The following SSUH2 variants were observed in gnomAD, a reference collection of about 807,000 sequenced individuals.
SSUH2 encodes the protein ssu-2 homolog, also known as protein SSUH2 homolog.
A neutral mutation model predicts 55.3 loss-of-function variants in SSUH2; 47 were observed. The ratio of observed to expected loss-of-function variants is 0.85; its 90% CI spans 0.67 to 1.08. The LOEUF is 1.08. SSUH2 is among the 50% of genes least tolerant of loss of function. The pLI, the probability that SSUH2 is intolerant of heterozygous loss-of-function variation, is 0.00. For missense variants in SSUH2, 535 were observed against 490.7 expected (o/e 1.09, Z -0.85); for synonymous variants, 212 against 191.5 (o/e 1.11, Z -0.89).
chr3:8,644,730 C>G lies in SSUH2; in HGVS notation c.28+1G>C, dbSNP rs1372198781. 4 of 1,535,894 alleles carry G rather than the reference C, an allele frequency of 2.6e-6. No homozygotes were observed. The African/African-American group carries it at 4.1e-5, about 16-fold the overall frequency. On this transcript the variant is annotated splice_donor_variant, in intron 1 of 11. Transcript: ENST00000544814. LOFTEE classifies it high-confidence loss of function. ...CGTGCCATCTTTGAGGCTCTACTTA[C>G]TGTCATCTTCATTCAGATCCCTGTC...
chr3:8,627,681 TG>T lies in SSUH2; in HGVS notation c.674+16del, dbSNP rs5846608. ...AAGCAAGAGCACTTCACCGCGGTGC[TG>T]GGGAGATGCCCCTACCTTCGCCTGC... On this transcript the variant is annotated intron_variant, in intron 8 of 11. Transcript: ENST00000544814. The T allele has an allele frequency of 0.79, 1,220,943 of 1,550,182 alleles. 482,886 individuals carry two copies. The highest frequency in any genetic ancestry group is 1 in the East Asian group (41,779 of 41,838).
intron 7 of SSUH2, among the ~76,000 whole-genome samples, chr3:8,628,874 G>C (rs530498844): frequency 6.6e-6 from 1 of 151,386 alleles, no homozygotes; most frequent in African/African-American, 2.5e-5. Flanking sequence ...TTGTTTTTTT[G>C]AGATGGAGTC....
intron 8 of SSUH2, among the ~76,000 whole-genome samples, chr3:8,626,690 C>T (rs1228670610): frequency 1.3e-5 from 2 of 152,086 alleles, no homozygotes; most frequent in East Asian, 1.9e-4. Context: ...GGATGTTTGT[C>T]GGGACTATCG....
intron 4 of SSUH2, 93 bp downstream of exon 4, chr3:8,633,573 C>T (rs1487933276): frequency 9.1e-7 from 1 of 1,102,456 alleles, no homozygotes; most frequent in Non-Finnish European, 1.3e-6. Flanking sequence ...CTCCTTTCCC[C>T]TGGCCACATC....
intron 1 of SSUH2, among the ~76,000 whole-genome samples, chr3:8,640,332 A>C (rs1476551654): frequency 1.3e-5 from 2 of 152,222 alleles, no homozygotes; most frequent in East Asian, 3.8e-4. Context: ...AGAACAAACA[A>C]ATAATTGGTC....
chr3:8,674,130 A>G (rs1704943042), intron 3 of SSUH2, among the ~76,000 whole-genome samples: 1 of 152,244 alleles, frequency 6.6e-6, no homozygotes, highest in Non-Finnish European at 1.5e-5. Flanking sequence ...CGCGAGGAAA[A>G]GCGCAAAGAG....
intron 7 of SSUH2, among the ~76,000 whole-genome samples, chr3:8,653,024 G>A (rs1286268770): frequency 6.6e-6 from 1 of 152,178 alleles, no homozygotes; most frequent in Admixed American, 6.5e-5. Flanking sequence ...CTGGCTTCCA[G>A]AGCCAGCTCC....
At chr3:8,676,613 A>G (rs371121992) in intron 3 of SSUH2, among the ~76,000 whole-genome samples, 1 of 151,006 alleles carries the variant, frequency 6.6e-6, no homozygotes, top group Non-Finnish European at 1.5e-5. Flanking sequence ...GGGTGTACAC[A>G]TCGTGCTCTA....
intron 1 of SSUH2, among the ~76,000 whole-genome samples, chr3:8,680,964 TC>T (rs984691066): frequency 6.6e-6 from 1 of 151,714 alleles, no homozygotes; most frequent in African/African-American, 2.4e-5. Context: ...TATCATCCTC[TC>T]CCCCTCTTCC....
chr3:8,637,857 T>C (rs1700173481), intron 1 of SSUH2, among the ~76,000 whole-genome samples: 1 of 152,118 alleles, frequency 6.6e-6, no homozygotes. Context: ...TGTTTGTTTG[T>C]TTGTTTGTTT....
chr3:8,677,644 G>A (rs1203708447), intron 2 of SSUH2, among the ~76,000 whole-genome samples: 2 of 150,924 alleles, frequency 1.3e-5, no homozygotes, highest in Admixed American at 6.6e-5. Flanking sequence ...GTGGGGCCCT[G>A]GCTGAGGCCG....
At chr3:8,643,623 G>C (rs549130780) in intron 1 of SSUH2, among the ~76,000 whole-genome samples, 2 of 152,054 alleles carry the variant, frequency 1.3e-5, no homozygotes, top group Non-Finnish European at 2.9e-5. Flanking sequence ...TTCTGCTTCA[G>C]GTCTAAAACT....
chr3:8,678,516 G>A (rs1393946848), intron 2 of SSUH2, among the ~76,000 whole-genome samples: 1 of 135,294 alleles, frequency 7.4e-6, no homozygotes, highest in African/African-American at 2.6e-5. Flanking sequence ...CGCGAGGCGG[G>A]GACTGAGAGC....
rs773994139 is a variant in SSUH2, at chr3:8,635,837, C to T, written c.49G>A (p.Glu17Lys). The change falls in exon 2 of 12, where the codon GAG (glutamate) becomes AAG (lysine). Residue 17 changes from glutamate (E) to lysine (K), a missense_variant. Coordinates refer to ENST00000544814, the MANE Select transcript of SSUH2 (RefSeq NM_001256748.3). ...GGGGGCGCCAGAGGACTCTCGGCCTCAAAACTGAGGTCCACCACACCTGCA... is the reference window on the plus strand; with the variant it reads ...GGGGGCGCCAGAGGACTCTCGGCCTTAAAACTGAGGTCCACCACACCTGCA... ...EDDSVVDLSF[E>K]AESPLAPPTE... The T allele has an allele frequency of 6.5e-7, 1 of 1,535,990 alleles. No individual in the cohort carries two copies. The highest frequency in any genetic ancestry group is 8.7e-7 in the Non-Finnish European group (1 of 1,146,846).
chr3:8,635,468 G>T, intron 2 of SSUH2, 87 bp from the exon 3 acceptor site: 1 of 1,010,196 alleles, frequency 9.9e-7, no homozygotes, highest in Non-Finnish European at 1.5e-6. Context: ...CTGATTGAAT[G>T]TGAGAAAGAA....
intron 4 of SSUH2, among the ~76,000 whole-genome samples, chr3:8,671,314 CCT>C (rs1395540093): frequency 6.6e-6 from 1 of 152,052 alleles, no homozygotes; most frequent in Non-Finnish European, 1.5e-5. Context: ...AGGTGTACAA[CCT>C]CTGTGACATT....
At chr3:8,634,598 T>C in intron 3 of SSUH2, 1 of 1,289,572 alleles carries the variant, frequency 7.8e-7, no homozygotes, top group Non-Finnish European at 1.0e-6. Context: ...AGAGACACTG[T>C]GGGCTGGAGA....
chr3:8,625,534 CCTCTTACCA>C lies in SSUH2; in HGVS notation c.872_873+7del. 6.3e-7 allele frequency: 1 copy of C among 1,588,724 alleles called. No homozygotes were observed. The highest frequency in any genetic ancestry group is 8.6e-7 in the Non-Finnish European group (1 of 1,157,312). On this transcript the variant is annotated splice_donor_variant and splice_donor_5th_base_variant and coding_sequence_variant and intron_variant, in exon 10 of 12. Coordinates refer to ENST00000544814, the MANE Select transcript of SSUH2 (RefSeq NM_001256748.3). LOFTEE classifies it high-confidence loss of function. ...CTTCCTTTGTTCCCATCTACAATGC[CCTCTTACCA>C]CCGAGTTTTCATCCTTAAAGAGGTT...
Position 8,625,344 on chromosome 3 carries a change from G to T in SSUH2, c.873+198C>A, listed in dbSNP as rs570844557. ...GGCATGGTGGGTGGGGAAGGACAGA[G>T]GGCTGAGTGTGTAAAAGTCAAAAGG... On this transcript the variant is annotated intron_variant, in intron 10 of 11. Transcript: ENST00000544814. Among the ~76,000 whole-genome samples, 34 of 152,200 alleles carry T rather than the reference G, an allele frequency of 2.2e-4. 1 individual carries two copies. The highest frequency in any genetic ancestry group is 1.7e-3 in the Admixed American group (26 of 15,290).
Sources: allele counts gnomAD v4.1 joint callset (sites outside exome capture counted in the v4.1 genomes callset), GRCh38; gene constraint gnomAD v4.1.1; transcripts MANE v1.5; gene names NCBI Gene and HGNC (gene_info 2026-07-23, HGNC 2026-07-21).